CASZ1: variants seen among roughly 807,000 people sequenced by gnomAD.
The protein encoded by CASZ1 is zinc finger protein castor homolog 1.
Under a neutral mutation model 135.2 loss-of-function variants are expected in CASZ1, and 28 were observed. The observed-to-expected ratio is 0.21, with a 90% CI of 0.15 to 0.28. The LOEUF is 0.28. CASZ1 is among the 10% of genes least tolerant of loss of function. The pLI is 1.00. For missense variants in CASZ1, 2,161 were observed against 2,453.3 expected (o/e 0.88, Z 2.52); for synonymous variants, 1,068 against 1,073.4 (o/e 0.99, Z 0.10).
At chr1:10,768,944 G>C (rs1267477584) in intron 1 of CASZ1, among the ~76,000 whole-genome samples, 3 of 152,068 alleles carry the variant, frequency 2.0e-5, no homozygotes, top group Non-Finnish European at 2.9e-5. Context: ...AGTTCGAGAC[G>C]AGCCTGTCCA....
Position 10,653,612 on chromosome 1 carries a change from C to T in CASZ1, c.2445G>A (p.Val815=), listed in dbSNP as rs1642675086. 6.4e-7 allele frequency: 1 copy of T among 1,552,564 alleles called. No homozygotes were observed. Among genetic ancestry groups the T allele is most frequent in the Admixed American group, 1.9e-5 (1 of 54,008 alleles). ...LAGRGSTSLP[V]GTPSLLGAVS... is the part of the protein sequence containing the mutation. ...CGGCACCCAGGAGGCTGGGGGTGCC[C>T]ACAGGCAGGGAGGTGCTCCCACGGC... The change falls in exon 11 of 21, where the codon GTG becomes GTA. Residue 815 remains valine (V), a synonymous_variant. Transcript: ENST00000377022.
chr1:10,678,717 C>T (rs1035231303), intron 4 of CASZ1, among the ~76,000 whole-genome samples: 1 of 152,100 alleles, frequency 6.6e-6, no homozygotes, highest in Admixed American at 6.5e-5. Flanking sequence ...ATAAACGTCC[C>T]GAGCGGGAGG....
intron 1 of CASZ1, among the ~76,000 whole-genome samples, chr1:10,782,547 C>G (rs1356933286): frequency 6.6e-6 from 1 of 152,204 alleles, no homozygotes; most frequent in Non-Finnish European, 1.5e-5. Flanking sequence ...TGGGACTGAG[C>G]GGCAGGTCCC....
At chr1:10,768,998 G>T (rs548414106) in intron 1 of CASZ1, among the ~76,000 whole-genome samples, 11 of 152,130 alleles carry the variant, frequency 7.2e-5, no homozygotes, top group African/African-American at 2.7e-4. Flanking sequence ...AAAATTAGCC[G>T]GGTGTGGTGG....
At chr1:10,768,689 C>T (rs1220794005) in intron 1 of CASZ1, among the ~76,000 whole-genome samples, 1 of 152,196 alleles carries the variant, frequency 6.6e-6, no homozygotes, top group Non-Finnish European at 1.5e-5. Flanking sequence ...AGAGCCCTGG[C>T]ATCACCACTG....
intron 11 of CASZ1, 114 bp from the exon 12 acceptor site, chr1:10,651,190 G>C: frequency 1.3e-6 from 1 of 790,926 alleles, no homozygotes; most frequent in Non-Finnish European, 1.8e-6. Context: ...CCCGGCTACT[G>C]GTCAGCGCTT....
intron 1 of CASZ1, among the ~76,000 whole-genome samples, chr1:10,784,551 G>A (rs1640821652): frequency 6.6e-6 from 1 of 152,028 alleles, no homozygotes; most frequent in Admixed American, 6.6e-5. Flanking sequence ...CAGCCCAAGA[G>A]CTATTTTGTT....
intron 3 of CASZ1, among the ~76,000 whole-genome samples, chr1:10,703,547 T>C (rs1639107328): frequency 6.6e-6 from 1 of 151,972 alleles, no homozygotes; most frequent in African/African-American, 2.4e-5. Context: ...CGCTCAGAGG[T>C]TATGCTGCTT....
At chr1:10,732,659 G>A (rs1277052579) in intron 2 of CASZ1, among the ~76,000 whole-genome samples, 1 of 152,196 alleles carries the variant, frequency 6.6e-6, no homozygotes, top group Non-Finnish European at 1.5e-5. Context: ...AGAGGAGGGG[G>A]AGATGGTCCT....
intron 1 of CASZ1, among the ~76,000 whole-genome samples, chr1:10,786,516 G>A (rs571461789): frequency 6.6e-6 from 1 of 152,214 alleles, no homozygotes; most frequent in Non-Finnish European, 1.5e-5. Flanking sequence ...CTGATAAGCC[G>A]CAAGTGTTTC....
intron 2 of CASZ1, among the ~76,000 whole-genome samples, chr1:10,758,714 G>A (rs1640306691): frequency 6.6e-6 from 1 of 152,156 alleles, no homozygotes; most frequent in African/African-American, 2.4e-5. Flanking sequence ...GCCAGACAGG[G>A]TCAGGCCTGC....
chr1:10,779,280 T>C (rs1310671518), intron 1 of CASZ1, among the ~76,000 whole-genome samples: 1 of 59,062 alleles, frequency 1.7e-5, no homozygotes, highest in Non-Finnish European at 2.6e-5. Flanking sequence ...AATTTTATAA[T>C]TTTTTTTTTT....
chr1:10,694,099 C>T lies in CASZ1; in HGVS notation c.-23-187G>A, dbSNP rs1638857127. 6.6e-6 allele frequency among the ~76,000 whole-genome samples: 1 copy of T among 151,486 alleles called. No individual in the cohort carries two copies. Among genetic ancestry groups the T allele is most frequent in the Non-Finnish European group, 1.5e-5 (1 of 67,852 alleles). On this transcript the variant is annotated intron_variant, in intron 3 of 20. Transcript: ENST00000377022. This position sits in a 1 kb window ranked among gnomAD's most constrained non-coding sequence, Gnocchi z 6.6. ...CCCGCTTCTCACGCTCGGCCCCGCACGCGCCCGCGGGTCCGCGCCGCCTGA... is the reference window on the plus strand; with the variant it reads ...CCCGCTTCTCACGCTCGGCCCCGCATGCGCCCGCGGGTCCGCGCCGCCTGA...
chr1:10,691,054 C>A (rs940819438), intron 4 of CASZ1, among the ~76,000 whole-genome samples: 1 of 150,290 alleles, frequency 6.7e-6, no homozygotes, highest in Non-Finnish European at 1.5e-5. Context: ...CCTAATGGAA[C>A]TATGTCCTCC....
At chr1:10,775,245 G>T (rs1322977739) in intron 1 of CASZ1, among the ~76,000 whole-genome samples, 1 of 152,116 alleles carries the variant, frequency 6.6e-6, no homozygotes, top group East Asian at 1.9e-4. Context: ...GATAAAACAA[G>T]ATCCAACCTG....
At chr1:10,682,404 C>A (rs1044035009) in intron 4 of CASZ1, among the ~76,000 whole-genome samples, 1 of 152,018 alleles carries the variant, frequency 6.6e-6, no homozygotes, top group Non-Finnish European at 1.5e-5. Context: ...TCAAGGGCCC[C>A]GGAAGACTCC....
chr1:10,666,605 C>T lies in CASZ1; in HGVS notation c.17-1034G>A, dbSNP rs1323568548. Reference sequence around the variant, plus strand: ...CACAGCACCTAATCCCCGAATGTGACAGCCCGACACACACAGCCGGAAGGA... The same window carrying T: ...CACAGCACCTAATCCCCGAATGTGATAGCCCGACACACACAGCCGGAAGGA... On this transcript the variant is annotated intron_variant, in intron 4 of 20. Transcript: ENST00000377022. This position sits in a 1 kb window ranked among gnomAD's most constrained non-coding sequence, Gnocchi z 5.2. Among the ~76,000 whole-genome samples the T allele has an allele frequency of 6.6e-6, 1 of 152,200 alleles. No individual in the cohort carries two copies. The highest frequency in any genetic ancestry group is 2.4e-5 in the African/African-American group (1 of 41,460).
At position 10,774,274 on chromosome 1, in the gene CASZ1, A is replaced by G. The variant is rs1640624266; in HGVS notation, c.-233-13417T>C. Among the ~76,000 whole-genome samples the G allele has an allele frequency of 6.6e-6, 1 of 152,178 alleles. No homozygotes were observed. The highest frequency in any genetic ancestry group is 2.1e-4 in the South Asian group (1 of 4,826). On this transcript the variant is annotated intron_variant, in intron 1 of 20. Coordinates refer to ENST00000377022, the MANE Select transcript of CASZ1 (RefSeq NM_001079843.3). This position sits in a 1 kb window ranked among gnomAD's most constrained non-coding sequence, Gnocchi z 4.4. ...TCTCCTGACTCTCGGAGAATCGGGA[A>G]CCATTTCAAAAGCTAAACAATCTAC...
At chr1:10,643,452 G>T in intron 18 of CASZ1, 141 bp from the exon 19 acceptor site, 1 of 919,054 alleles carries the variant, frequency 1.1e-6, no homozygotes, top group East Asian at 2.7e-5. Flanking sequence ...GCTGAGCCGA[G>T]GTGGCAGTCT....
Sources: allele counts gnomAD v4.1 joint callset (sites outside exome capture counted in the v4.1 genomes callset), GRCh38; gene constraint gnomAD v4.1.1; non-coding constraint Gnocchi (gnomAD v3.1); transcripts MANE v1.5; gene names NCBI Gene and HGNC (gene_info 2026-07-23, HGNC 2026-07-21).